The following UGT2A1 variants were observed in gnomAD, a reference collection of about 807,000 sequenced individuals.
The protein encoded by UGT2A1 is UDP-glucuronosyltransferase 2A1.
A neutral mutation model predicts 45.4 loss-of-function variants in UGT2A1; 61 were observed. The observed-to-expected ratio is 1.34, with a 90% CI of 1.09 to 1.66. The LOEUF (loss-of-function observed/expected upper bound fraction) is 1.66, where lower values mean the gene tolerates loss of function less well. UGT2A1 is among the 40% of genes most tolerant of loss of function. The pLI is 0.00. For missense variants in UGT2A1, 649 were observed against 574.3 expected, an observed-to-expected ratio of 1.13 and a Z score of -1.33; for synonymous variants, 229 against 196.2, an observed-to-expected ratio of 1.17 and a Z score of -1.40.
intron 3 of UGT2A1, among the ~76,000 whole-genome samples, chr4:69,627,463 AGCAGGCAGGCAGGCAG>A (rs1002480493): frequency 6.3e-5 from 4 of 63,902 alleles, no homozygotes; most frequent in African/African-American, 2.3e-4. Flanking sequence ...CAGACAGGCA[AGCAGGCAGGCAGGCAG>A]GCAGGCAGGC....
At chr4:69,601,187 G>A (rs7662867) in intron 3 of UGT2A1, among the ~76,000 whole-genome samples, 66,359 of 151,808 alleles carry the variant, frequency 0.44, 14,922 homozygotes, top group Middle Eastern at 0.49. Context: ...CAGCAGAGGC[G>A]GCTGCACTTC....
In UGT2A1 at chr4:69,596,448, C is replaced by T. The variant is rs999261532; in HGVS notation, c.997-1199G>A. The T allele has an allele frequency of 7.8e-6, 11 of 1,408,046 alleles. No individual in the cohort carries two copies. The African/African-American group carries it at 1.0e-4, about 13-fold the overall frequency. 87.2% of individuals were successfully genotyped at this position (1,408,046 alleles called of 1,614,324 possible). A position where few individuals can be genotyped will look rare whatever the true frequency, so the allele number is the denominator to read the frequency against. On this transcript the variant is annotated intron_variant, in intron 4 of 6. Coordinates refer to ENST00000286604, the MANE Select transcript of UGT2A1 (RefSeq NM_001252275.3). ...ATAAGAAAAAATAAGTTTACTTACA[C>T]ATTTAAGTAGGTAAAATTAAGATAT...
intron 1 of UGT2A1, among the ~76,000 whole-genome samples, chr4:69,651,474 A>G (rs1419692730): frequency 2.0e-5 from 3 of 152,200 alleles, no homozygotes; most frequent in Admixed American, 6.5e-5. Flanking sequence ...CAGAGAAAAA[A>G]ACTAACGTAT....
chr4:69,639,318 G>C, intron 2 of UGT2A1: 1 of 1,613,628 alleles, frequency 6.2e-7, no homozygotes, highest in Non-Finnish European at 8.5e-7. Flanking sequence ...GAGAGGAGTT[G>C]GTCTATGGTC....
chr4:69,652,154 C>T (rs780733350), intron 1 of UGT2A1, among the ~76,000 whole-genome samples: 19 of 148,950 alleles, frequency 1.3e-4, no homozygotes, highest in Non-Finnish European at 2.2e-4. Context: ...TGTAAGGATT[C>T]GCCACTGATA....
chr4:69,651,406 TTAAAAA>T (rs1475399835), intron 1 of UGT2A1, among the ~76,000 whole-genome samples: 2 of 152,094 alleles, frequency 1.3e-5, no homozygotes, highest in African/African-American at 4.8e-5. Context: ...GCACATAAAA[TTAAAAA>T]TAAAAATAAA....
Position 69,647,281 on chromosome 4 carries a change from A to T in UGT2A1, c.364T>A (p.Ser122Thr). ...AGAACGCCATCACAGATCTCCTGAGACACCATGTGGAAGTCCTTGATTACT... is the reference window on the plus strand; with the variant it reads ...AGAACGCCATCACAGATCTCCTGAGTCACCATGTGGAAGTCCTTGATTACT... The part of the protein sequence containing the change: ...AKVIKDFHMV[S>T]QEICDGVLKN... Residue 122 changes from serine to threonine, a missense_variant, in exon 2 of 7, where the codon TCT (serine) becomes ACT (threonine). Physicochemically the swap from Ser to Thr is moderately conservative, Grantham distance 58. Transcript: ENST00000286604. 6.2e-7 allele frequency: 1 copy of T among 1,613,348 alleles called. No individual in the cohort carries two copies. The highest frequency in any genetic ancestry group is 8.5e-7 in the Non-Finnish European group (1 of 1,179,520).
At chr4:69,590,471 A>G (rs1342615166) in intron 6 of UGT2A1, among the ~76,000 whole-genome samples, 1 of 152,150 alleles carries the variant, frequency 6.6e-6, no homozygotes, top group East Asian at 1.9e-4. Flanking sequence ...TCTGGAAGAA[A>G]AGTTCCAGCC....
intron 3 of UGT2A1, among the ~76,000 whole-genome samples, chr4:69,623,749 A>G (rs1208404437): frequency 6.6e-6 from 1 of 151,430 alleles, no homozygotes; most frequent in Non-Finnish European, 1.5e-5. Context: ...TATGTAATAC[A>G]TTATAAAAAT....
chr4:69,638,995 C>T, intron 2 of UGT2A1: 1 of 1,613,028 alleles, frequency 6.2e-7, no homozygotes, highest in Non-Finnish European at 8.5e-7. Flanking sequence ...ATCCTTTCAC[C>T]AAAGGTCATC....
chr4:69,593,139 G>C (rs1413922451), intron 6 of UGT2A1, among the ~76,000 whole-genome samples: 1 of 152,080 alleles, frequency 6.6e-6, no homozygotes, highest in Admixed American at 6.6e-5. Flanking sequence ...AAAGCAGTGA[G>C]TGAATATTGC....
chr4:69,626,977 CTTAAAA>C (rs765814299), intron 3 of UGT2A1, among the ~76,000 whole-genome samples: 4 of 151,676 alleles, frequency 2.6e-5, no homozygotes, highest in East Asian at 1.9e-4. Flanking sequence ...CTGCCTCAAA[CTTAAAA>C]TTAAACACTT....
At chr4:69,609,987 G>A (rs1467958671) in intron 3 of UGT2A1, among the ~76,000 whole-genome samples, 1 of 152,142 alleles carries the variant, frequency 6.6e-6, no homozygotes, top group African/African-American at 2.4e-5. Context: ...ATAATAGAAT[G>A]TTGAGGAAAT....
chr4:69,650,026 G>C (rs1195033681), intron 1 of UGT2A1, among the ~76,000 whole-genome samples: 2 of 152,066 alleles, frequency 1.3e-5, no homozygotes, highest in Admixed American at 1.3e-4. Flanking sequence ...CCACTGGCTT[G>C]TTTATAAAAG....
chr4:69,598,358 T>A (rs551808201), intron 4 of UGT2A1, among the ~76,000 whole-genome samples: 2 of 152,292 alleles, frequency 1.3e-5, no homozygotes. Context: ...GATAGTTAAA[T>A]ACATTGTTCC....
In UGT2A1 at chr4:69,605,191, T is replaced by C. The variant is rs911425469; in HGVS notation, c.848-5797A>G. 1.5e-5 allele frequency among the ~76,000 whole-genome samples: 2 copies of C among 136,470 alleles called. 1 individual carries two copies. Among genetic ancestry groups the C allele is most frequent in the Non-Finnish European group, 3.1e-5 (2 of 64,286 alleles). The allele number at this position is 136,470 out of a possible 152,430, so 89.5% of individuals were successfully genotyped here. ...TGGAAGTAAAGCACTCCTCAGCAAA[T>C]GTAAAAGAACAGAAATTATAACAAA... is the stretch of plus-strand genomic sequence containing the variant. On this transcript the variant is annotated intron_variant, in intron 3 of 6. Coordinates refer to ENST00000286604, the MANE Select transcript of UGT2A1 (RefSeq NM_001252275.3).
At chr4:69,589,690 T>C in intron 6 of UGT2A1, 39 bp from the exon 7 acceptor site, 1 of 1,563,054 alleles carries the variant, frequency 6.4e-7, no homozygotes, top group East Asian at 2.3e-5. Flanking sequence ...AGACAATTTT[T>C]GTTTTTATTT....
At chr4:69,599,471 T>C in intron 3 of UGT2A1, 77 bp from the exon 4 acceptor site, 2 of 1,577,364 alleles carry the variant, frequency 1.3e-6, no homozygotes, top group Non-Finnish European at 8.5e-7. Context: ...CTACCAGTAA[T>C]TTCCTGATAA....
chr4:69,652,427 G>A (rs1722573942), intron 1 of UGT2A1, among the ~76,000 whole-genome samples: 2 of 151,178 alleles, frequency 1.3e-5, no homozygotes, highest in African/African-American at 4.9e-5. Context: ...GGGATTATAG[G>A]CGACCACCAC....
Sources: allele counts gnomAD v4.1 joint callset (sites outside exome capture counted in the v4.1 genomes callset), GRCh38; gene constraint gnomAD v4.1.1; transcripts MANE v1.5; gene names NCBI Gene and HGNC (gene_info 2026-07-23, HGNC 2026-07-21).